RAB3B: variants seen among roughly 807,000 people sequenced by gnomAD.
RAB3B encodes ras-related protein Rab-3B.
A neutral mutation model predicts 20.5 loss-of-function variants in RAB3B; 11 were observed. The observed-to-expected ratio is 0.54, with a 90% confidence interval of 0.34 to 0.89. The LOEUF (loss-of-function observed/expected upper bound fraction) is 0.89, where lower values mean the gene tolerates loss of function less well. Ranked by LOEUF, RAB3B falls within the 40% of genes least tolerant of loss-of-function variation. RAB3B has a pLI of 0.02. For missense variants in RAB3B, 225 were observed against 280.9 expected (o/e 0.80, Z 1.42); for synonymous variants, 99 against 106.3 (o/e 0.93, Z 0.42).
At chr1:51,964,976 G>A (rs1684829049) in intron 2 of RAB3B, among the ~76,000 whole-genome samples, 1 of 152,208 alleles carries the variant, frequency 6.6e-6, no homozygotes, top group Non-Finnish European at 1.5e-5. Flanking sequence ...GCTCACGCCT[G>A]TAATCCCAAC....
At chr1:51,944,993 C>T (rs545047151) in intron 2 of RAB3B, among the ~76,000 whole-genome samples, 2 of 152,270 alleles carry the variant, frequency 1.3e-5, no homozygotes, top group South Asian at 4.1e-4. Flanking sequence ...AAGAATCAAT[C>T]GATGCAGCAA....
chr1:51,938,406 A>G (rs1327912762), intron 2 of RAB3B, among the ~76,000 whole-genome samples: 2 of 152,176 alleles, frequency 1.3e-5, no homozygotes, highest in Non-Finnish European at 2.9e-5. Context: ...TATGTACAAA[A>G]ACACATTTGT....
At chr1:51,965,205 G>A (rs149438144) in intron 2 of RAB3B, among the ~76,000 whole-genome samples, 246 of 124,632 alleles carry the variant, frequency 2.0e-3, no homozygotes, top group Middle Eastern at 8.5e-3. Context: ...GGGTGACAGA[G>A]TGAAATTCTG....
At chr1:51,984,263 TAAAAAAAAA>T (rs1166997647) in intron 1 of RAB3B, among the ~76,000 whole-genome samples, 5 of 20,676 alleles carry the variant, frequency 2.4e-4, no homozygotes, top group South Asian at 3.4e-3. Context: ...ACTCTCTAAT[TAAAAAAAAA>T]AAAAAAAAAA....
At chr1:51,942,185 T>C (rs752456015) in intron 2 of RAB3B, among the ~76,000 whole-genome samples, 1 of 152,208 alleles carries the variant, frequency 6.6e-6, no homozygotes. Context: ...AGGCAGGATT[T>C]CTGAGCGCCT....
intron 2 of RAB3B, among the ~76,000 whole-genome samples, chr1:51,943,928 C>T (rs746791344): frequency 7.9e-5 from 12 of 152,168 alleles, no homozygotes; most frequent in Non-Finnish European, 1.6e-4. Context: ...GCAAGGTTAT[C>T]CAGAAGACCT....
Position 51,913,300 on chromosome 1 carries a change from C to A in RAB3B, c.*6627G>T, listed in dbSNP as rs1684031875. On this transcript the variant is annotated 3_prime_UTR_variant, in exon 5 of 5. Coordinates refer to ENST00000371655, the MANE Select transcript of RAB3B (RefSeq NM_002867.4). ...AAACAAATGATAAGACTGCCCTGCC[C>A]TATACAGTTTTGCCACTTGTCTTTG... 2.0e-5 allele frequency: 3 copies of A among 152,126 alleles called. No individual in the cohort carries two copies. Among genetic ancestry groups the A allele is most frequent in the African/African-American group, 7.2e-5 (3 of 41,438 alleles). 9.4% of individuals were successfully genotyped at this position (152,126 alleles called of 1,614,324 possible). A position where few individuals can be genotyped will look rare whatever the true frequency, so the allele number is the denominator to read the frequency against.
At chr1:51,948,553 G>A (rs934241161) in intron 2 of RAB3B, among the ~76,000 whole-genome samples, 6 of 152,198 alleles carry the variant, frequency 3.9e-5, no homozygotes, top group African/African-American at 7.2e-5. Context: ...AAAGTCTACA[G>A]TGTCTGTTAC....
At chr1:51,972,906 T>C (rs1452165323) in intron 2 of RAB3B, among the ~76,000 whole-genome samples, 1 of 152,258 alleles carries the variant, frequency 6.6e-6, no homozygotes, top group Non-Finnish European at 1.5e-5. Context: ...CTTTCTTTTA[T>C]AGCTGGTCAC....
In RAB3B at chr1:51,919,936, G is replaced by A; in HGVS notation, c.651C>T (p.Cys217=). ...GGAAGGTGGGCCTTGCCTAGCATGAGCAGTTCTGCTGCAGCAGCGGTGGGG... is the reference window on the plus strand; with the variant it reads ...GGAAGGTGGGCCTTGCCTAGCATGAACAGTTCTGCTGCAGCAGCGGTGGGG... ...SDTPPLLQQN[C]SC Residue 217 remains cysteine, a synonymous_variant, in exon 5 of 5, where the codon TGC becomes TGT. Transcript: ENST00000371655. The A allele has an allele frequency of 6.2e-7, 1 of 1,612,952 alleles. No homozygotes were observed. Among genetic ancestry groups the A allele is most frequent in the Non-Finnish European group, 8.5e-7 (1 of 1,179,508 alleles).
chr1:51,987,448 G>A (rs779049169), intron 1 of RAB3B, among the ~76,000 whole-genome samples: 2 of 152,074 alleles, frequency 1.3e-5, no homozygotes, highest in Non-Finnish European at 1.5e-5. Flanking sequence ...ATTAAAACCT[G>A]TATATGGGAG....
Position 51,913,447 on chromosome 1 carries a change from A to G in RAB3B, c.*6480T>C, listed in dbSNP as rs1684035188. ...GTCACCATATTTTGTAGCTCCTCCC[A>G]TAAAGAGATGGCATCTATTTCCCCC... On this transcript the variant is annotated 3_prime_UTR_variant, in exon 5 of 5. Coordinates refer to ENST00000371655, the MANE Select transcript of RAB3B (RefSeq NM_002867.4). 1 of 151,350 alleles carries G rather than the reference A, an allele frequency of 6.6e-6. No homozygotes were observed. The highest frequency in any genetic ancestry group is 2.1e-4 in the South Asian group (1 of 4,796). The allele number at this position is 151,350 out of a possible 1,614,324, so 9.4% of individuals were successfully genotyped here.
chr1:51,981,454 T>G (rs1466090871), intron 1 of RAB3B, among the ~76,000 whole-genome samples: 1 of 152,234 alleles, frequency 6.6e-6, no homozygotes, highest in Non-Finnish European at 1.5e-5. Flanking sequence ...GCATACATGT[T>G]ATCAATTTAT....
intron 2 of RAB3B, among the ~76,000 whole-genome samples, chr1:51,974,025 C>T (rs1331669386): frequency 6.6e-6 from 1 of 152,188 alleles, no homozygotes; most frequent in Non-Finnish European, 1.5e-5. Context: ...AATCCTCTGA[C>T]CGATGACAAG....
intron 4 of RAB3B, among the ~76,000 whole-genome samples, chr1:51,923,957 C>T (rs1185143650): frequency 6.6e-6 from 1 of 152,232 alleles, no homozygotes; most frequent in Non-Finnish European, 1.5e-5. Flanking sequence ...TCATTCTCCT[C>T]TGTGCTTCCT....
chr1:51,921,906 G>C lies in RAB3B; in HGVS notation c.473-1792C>G, dbSNP rs1230493521. Among the ~76,000 whole-genome samples the C allele has an allele frequency of 3.3e-5, 5 of 152,164 alleles. No individual in the cohort carries two copies. The South Asian group carries it at 1.0e-3, about 32-fold the overall frequency. ...TCCCTATTATTCCACCATCCATAGA[G>C]AGGGCTGAAGCCCCCCAGGTATAAA... is the stretch of plus-strand genomic sequence containing the variant. On this transcript the variant is annotated intron_variant, in intron 4 of 4. Transcript: ENST00000371655.
At chr1:51,922,674 C>CTT (rs57185867) in intron 4 of RAB3B, among the ~76,000 whole-genome samples, 13 of 146,152 alleles carry the variant, frequency 8.9e-5, no homozygotes, top group African/African-American at 2.8e-4. Context: ...TAAGCCAGGT[C>CTT]TTTTTTTTTT....
chr1:51,955,745 G>A (rs1684699599), intron 2 of RAB3B, among the ~76,000 whole-genome samples: 1 of 152,234 alleles, frequency 6.6e-6, no homozygotes, highest in Non-Finnish European at 1.5e-5. Flanking sequence ...GACACAAGGA[G>A]TTAACATATA....
chr1:51,975,322 T>A (rs1684993454), intron 2 of RAB3B, among the ~76,000 whole-genome samples: 1 of 152,248 alleles, frequency 6.6e-6, no homozygotes, highest in Non-Finnish European at 1.5e-5. Context: ...CTATATGATC[T>A]ACATGTTGCT....
Sources: gnomAD v4.1 joint callset for allele counts (sites outside exome capture counted in the v4.1 genomes callset) on GRCh38, gnomAD v4.1.1 for gene constraint, MANE v1.5 for transcripts, NCBI Gene and HGNC (gene_info 2026-07-23, HGNC 2026-07-21) for gene names.